The following THSD7B variants were observed in gnomAD, a reference collection of about 807,000 sequenced individuals.
THSD7B encodes thrombospondin type 1 domain containing 7B, also known as thrombospondin type-1 domain-containing protein 7B.
A neutral mutation model predicts 213.6 loss-of-function variants in THSD7B; 138 were observed. The ratio of observed to expected loss-of-function variants is 0.65; its 90% CI spans 0.56 to 0.74. The LOEUF (loss-of-function observed/expected upper bound fraction) is 0.74, where lower values mean the gene tolerates loss of function less well. Ranked by LOEUF, THSD7B falls within the 30% of genes least tolerant of loss-of-function variation. THSD7B has a pLI of 0.00. For synonymous variants in THSD7B, 742 were observed against 687.0 expected, an observed-to-expected ratio of 1.08 and a Z score of -1.25; for missense variants, 1,931 against 1,991.5, an observed-to-expected ratio of 0.97 and a Z score of 0.58.
intron 12 of THSD7B, among the ~76,000 whole-genome samples, chr2:137,404,114 A>G (rs1181309992): frequency 6.6e-6 from 1 of 152,144 alleles, no homozygotes; most frequent in African/African-American, 2.4e-5. Context: ...AATTCAGTAA[A>G]AATTTAAGCA....
chr2:136,951,719 A>C (rs1368227316), intron 2 of THSD7B, among the ~76,000 whole-genome samples: 1 of 152,186 alleles, frequency 6.6e-6, no homozygotes, highest in African/African-American at 2.4e-5. Flanking sequence ...AATATTTCAG[A>C]TGGAGTATCT....
At chr2:136,769,009 G>A (rs777240090) in intron 1 of THSD7B, among the ~76,000 whole-genome samples, 24 of 152,174 alleles carry the variant, frequency 1.6e-4, no homozygotes, top group Non-Finnish European at 2.9e-4. Flanking sequence ...AGTGGGGTCT[G>A]TAGTTTAACA....
At chr2:137,426,412 C>A (rs2105033187) in intron 14 of THSD7B, among the ~76,000 whole-genome samples, 1 of 152,176 alleles carries the variant, frequency 6.6e-6, no homozygotes, top group South Asian at 2.1e-4. Context: ...AGGCACCACA[C>A]TTCCTGAGTT....
At chr2:137,191,512 G>A (rs529179479) in intron 7 of THSD7B, among the ~76,000 whole-genome samples, 5 of 151,950 alleles carry the variant, frequency 3.3e-5, no homozygotes, top group South Asian at 2.1e-4. Flanking sequence ...TGGTTCTGCC[G>A]CTTTTCTTAC....
intron 15 of THSD7B, among the ~76,000 whole-genome samples, chr2:137,502,948 T>C (rs2105139350): frequency 6.6e-6 from 1 of 152,288 alleles, no homozygotes; most frequent in South Asian, 2.1e-4. Context: ...TCTGTAATTT[T>C]TAGAAGATGC....
At chr2:137,435,978 C>A (rs898085136) in intron 14 of THSD7B, among the ~76,000 whole-genome samples, 1 of 152,248 alleles carries the variant, frequency 6.6e-6, no homozygotes, top group African/African-American at 2.4e-5. Flanking sequence ...ACTGCATGCT[C>A]TCATCTCCAG....
intron 2 of THSD7B, among the ~76,000 whole-genome samples, chr2:136,946,935 C>T (rs1044617323): frequency 6.6e-6 from 1 of 151,650 alleles, no homozygotes; most frequent in African/African-American, 2.4e-5. Context: ...ACCCCTTGCA[C>T]TTCCTGGGTG....
chr2:137,553,166 C>G (rs1573703184), intron 15 of THSD7B, among the ~76,000 whole-genome samples: 1 of 152,218 alleles, frequency 6.6e-6, no homozygotes, highest in Middle Eastern at 3.4e-3. Flanking sequence ...TTTCCAAGTT[C>G]TATTGAGTAG....
chr2:136,905,370 T>C (rs1684142413), intron 2 of THSD7B, among the ~76,000 whole-genome samples: 3 of 152,256 alleles, frequency 2.0e-5, no homozygotes, highest in Middle Eastern at 3.4e-3. Flanking sequence ...AGCACAGATG[T>C]AGACAGTTAT....
At chr2:137,283,382 C>A (rs989727042) in intron 12 of THSD7B, among the ~76,000 whole-genome samples, 13 of 152,108 alleles carry the variant, frequency 8.5e-5, no homozygotes, top group African/African-American at 3.1e-4. Context: ...TAATTGAATG[C>A]CCTTTATTTC....
At chr2:136,841,959 A>C (rs961204253) in intron 1 of THSD7B, among the ~76,000 whole-genome samples, 2 of 152,202 alleles carry the variant, frequency 1.3e-5, no homozygotes, top group Admixed American at 6.5e-5. Flanking sequence ...AAGAAAATAA[A>C]AATATGCTTA....
intron 2 of THSD7B, among the ~76,000 whole-genome samples, chr2:137,035,811 T>A (rs180931950): frequency 3.9e-5 from 6 of 152,270 alleles, no homozygotes; most frequent in Admixed American, 1.3e-4. Flanking sequence ...ATGAAGGGCA[T>A]CCCATAACTA....
At chr2:137,160,479 A>G (rs1356473586) in intron 6 of THSD7B, 111 bp downstream of exon 6, 2 of 1,376,720 alleles carry the variant, frequency 1.5e-6, no homozygotes, top group Non-Finnish European at 2.0e-6. Flanking sequence ...TGTAAAATTT[A>G]GATAACCAGC....
intron 15 of THSD7B, among the ~76,000 whole-genome samples, chr2:137,457,599 A>G (rs1280991375): frequency 1.3e-5 from 2 of 152,208 alleles, no homozygotes; most frequent in Non-Finnish European, 2.9e-5. Flanking sequence ...TAATTTTGCA[A>G]AACTGTCTTC....
At chr2:137,410,234 T>G (rs1686621715) in intron 13 of THSD7B, among the ~76,000 whole-genome samples, 1 of 152,170 alleles carries the variant, frequency 6.6e-6, no homozygotes, top group African/African-American at 2.4e-5. Flanking sequence ...TAGCTGAATC[T>G]ACTACCAGCT....
chr2:136,784,315 A>G (rs768280805), intron 1 of THSD7B, among the ~76,000 whole-genome samples: 1 of 152,186 alleles, frequency 6.6e-6, no homozygotes, highest in Non-Finnish European at 1.5e-5. Flanking sequence ...GATGGAGAAC[A>G]TTCTTTCTAC....
intron 20 of THSD7B, among the ~76,000 whole-genome samples, chr2:137,626,430 G>A (rs940977062): frequency 3.7e-4 from 54 of 147,558 alleles, no homozygotes; most frequent in African/African-American, 1.1e-3. Flanking sequence ...CGCCACTGCA[G>A]TAGCGCCTGG....
intron 10 of THSD7B, among the ~76,000 whole-genome samples, chr2:137,249,200 A>C: frequency 6.6e-6 from 1 of 152,232 alleles, no homozygotes; most frequent in Non-Finnish European, 1.5e-5. Context: ...TAGGGGGAAA[A>C]AGTTCATGGA....
intron 15 of THSD7B, among the ~76,000 whole-genome samples, chr2:137,511,367 A>G (rs1357888758): frequency 6.6e-6 from 1 of 152,156 alleles, no homozygotes; most frequent in Non-Finnish European, 1.5e-5. Context: ...CATGACTAGT[A>G]ATTTTGTGAG....
Sources: gnomAD v4.1 joint callset for allele counts (sites outside exome capture counted in the v4.1 genomes callset) on GRCh38, gnomAD v4.1.1 for gene constraint, MANE v1.5 for transcripts, NCBI Gene and HGNC (gene_info 2026-07-23, HGNC 2026-07-21) for gene names.